PDE1C: variants seen among roughly 807,000 people sequenced by gnomAD.
PDE1C encodes dual specificity calcium/calmodulin-dependent 3',5'-cyclic nucleotide phosphodiesterase 1C.
PDE1C carries 62 observed loss-of-function variants against 93.1 expected under a neutral mutation model. The observed-to-expected ratio is 0.67, with a 90% confidence interval of 0.54 to 0.82. The LOEUF (loss-of-function observed/expected upper bound fraction) is 0.82. Among genes scored for constraint, PDE1C ranks in the 40% least tolerant of loss-of-function variants. The pLI is 0.00. For missense variants in PDE1C, 742 were observed against 884.6 expected, an observed-to-expected ratio of 0.84 and a Z score of 2.04; for synonymous variants, 325 against 310.1, an observed-to-expected ratio of 1.05 and a Z score of -0.50.
At chr7:32,240,178 A>G (rs1239384021) in intron 1 of PDE1C, among the ~76,000 whole-genome samples, 1 of 152,218 alleles carries the variant, frequency 6.6e-6, no homozygotes, top group Non-Finnish European at 1.5e-5. Context: ...AACTGGGTGG[A>G]GGGTAGGTGT....
chr7:31,839,609 A>G (rs918018137), intron 9 of PDE1C, among the ~76,000 whole-genome samples: 3 of 152,180 alleles, frequency 2.0e-5, no homozygotes, highest in Non-Finnish European at 4.4e-5. Flanking sequence ...ATTAGATTCT[A>G]GTTTGGAACT....
the PDE1C span, among the ~76,000 whole-genome samples, chr7:31,739,212 C>CAT: frequency 6.7e-6 from 1 of 150,190 alleles, no homozygotes; most frequent in Non-Finnish European, 1.5e-5. Flanking sequence ...CACACACACA[C>CAT]ACACACACAC....
At chr7:31,959,332 C>A (rs1036789037) in intron 2 of PDE1C, among the ~76,000 whole-genome samples, 2 of 151,822 alleles carry the variant, frequency 1.3e-5, no homozygotes, top group African/African-American at 4.8e-5. Flanking sequence ...TGCCTCAGCC[C>A]CCACCAAGTA....
chr7:31,667,109 G>A, the PDE1C span, among the ~76,000 whole-genome samples: 8 of 152,272 alleles, frequency 5.3e-5, 1 homozygote, highest in African/African-American at 1.4e-4. Context: ...AGTTACAGGA[G>A]TAAGCTGAGG....
At chr7:31,668,369 A>G in the PDE1C span, among the ~76,000 whole-genome samples, 154 of 152,310 alleles carry the variant, frequency 1.0e-3, 1 homozygote, top group South Asian at 2.3e-3. Flanking sequence ...AGACATGTAC[A>G]TGAATGTTCA....
At chr7:32,016,990 C>A (rs546518607) in intron 2 of PDE1C, among the ~76,000 whole-genome samples, 1 of 152,266 alleles carries the variant, frequency 6.6e-6, no homozygotes, top group African/African-American at 2.4e-5. Flanking sequence ...CCTGTATGAC[C>A]TTTGCCAAGT....
chr7:31,725,911 T>C, the PDE1C span, among the ~76,000 whole-genome samples: 9 of 152,122 alleles, frequency 5.9e-5, no homozygotes, highest in African/African-American at 2.2e-4. Context: ...AGAAGCAAAG[T>C]CTGTTTTAAA....
chr7:32,174,646 T>C (rs1562548338), intron 2 of PDE1C, among the ~76,000 whole-genome samples: 1 of 152,226 alleles, frequency 6.6e-6, no homozygotes, highest in East Asian at 1.9e-4. Context: ...GGTTGGGCCA[T>C]TTGCAAAGTG....
At chr7:32,214,059 T>C (rs1034726595) in intron 1 of PDE1C, among the ~76,000 whole-genome samples, 2 of 152,190 alleles carry the variant, frequency 1.3e-5, no homozygotes, top group African/African-American at 4.8e-5. Context: ...AATATACATA[T>C]TATTTTGGAT....
the PDE1C span, among the ~76,000 whole-genome samples, chr7:31,724,746 T>C: frequency 6.6e-6 from 1 of 152,226 alleles, no homozygotes; most frequent in African/African-American, 2.4e-5. Context: ...AACTTTTTTC[T>C]TTTCCCAACA....
chr7:32,169,803 A>G (rs757221435), exon 3 of PDE1C: 1 of 1,612,470 alleles, frequency 6.2e-7, no homozygotes, highest in African/African-American at 1.3e-5. Context: ...TGTCTTCACC[A>G]AGACTTCTGG....
In PDE1C at chr7:32,269,673, T is replaced by C. The variant is rs1237529549; in HGVS notation, c.85+28978A>G. On this transcript the variant is annotated intron_variant, in intron 1 of 18. Transcript: ENST00000396193. ...TTTTGTATTTTTAGTAGAGACGGGG[T>C]TTCACCATATTAACCAGGCTGGTCT... Among the ~76,000 whole-genome samples the C allele has an allele frequency of 3.3e-5, 5 of 151,788 alleles. No individual in the cohort carries two copies. The East Asian group carries it at 9.6e-4, about 29-fold the overall frequency.
chr7:31,773,755 C>T (rs1425969166), intron 17 of PDE1C, among the ~76,000 whole-genome samples: 2 of 152,136 alleles, frequency 1.3e-5, no homozygotes, highest in South Asian at 4.1e-4. Flanking sequence ...AGCTTAGAAA[C>T]ATTAATGCAT....
the PDE1C span, among the ~76,000 whole-genome samples, chr7:31,645,612 A>C: frequency 2.6e-5 from 4 of 152,030 alleles, no homozygotes; most frequent in Middle Eastern, 3.2e-3. Flanking sequence ...ACCACCCACC[A>C]CCACCATCAT....
the PDE1C span, chr7:31,642,717 G>T: frequency 6.2e-7 from 1 of 1,613,960 alleles, no homozygotes; most frequent in South Asian, 1.1e-5. Flanking sequence ...GTCCTGCTGA[G>T]AATGGAGGTA....
intron 1 of PDE1C, among the ~76,000 whole-genome samples, chr7:32,261,046 G>A (rs146103484): frequency 0.016 from 2,439 of 152,162 alleles, 65 homozygotes; most frequent in African/African-American, 0.055. Context: ...GGAGGTGGAG[G>A]TTGCAGTGAG....
chr7:31,927,997 T>C (rs1173264074), intron 2 of PDE1C, among the ~76,000 whole-genome samples: 1 of 151,956 alleles, frequency 6.6e-6, no homozygotes, highest in Non-Finnish European at 1.5e-5. Flanking sequence ...TCCACTGAGC[T>C]AAAGGAGCAT....
chr7:31,824,340 T>C (rs1367944965), intron 13 of PDE1C, among the ~76,000 whole-genome samples: 1 of 152,080 alleles, frequency 6.6e-6, no homozygotes. Context: ...TTTTCTCAGA[T>C]GGGGGAAGTG....
chr7:31,823,137 A>G lies in PDE1C; in HGVS notation c.1518T>C (p.Phe506=). ...NSVISVDYKS[F]KATWTEVVHI... ...GCACCACTTCCGTCCAAGTAGCTTT[A>G]AAGCTCTTATAGTCAACGGAGATGA... The change falls in exon 14 of 18, where the codon TTT becomes TTC. Residue 506 remains phenylalanine, a synonymous_variant. Transcript: ENST00000396191. 1 of 1,613,442 alleles carries G rather than the reference A, an allele frequency of 6.2e-7. No individual in the cohort carries two copies. Among genetic ancestry groups the G allele is most frequent in the South Asian group, 1.1e-5 (1 of 91,008 alleles).
Sources: gnomAD v4.1 joint callset for allele counts (sites outside exome capture counted in the v4.1 genomes callset) on GRCh38, gnomAD v4.1.1 for gene constraint, MANE v1.5 for transcripts, NCBI Gene and HGNC (gene_info 2026-07-23, HGNC 2026-07-21) for gene names.